Variants in TMEM260 observed in about 807,000 individuals in gnomAD.
TMEM260 encodes protein O-mannosyl-transferase TMEM260.
A neutral mutation model predicts 88.9 loss-of-function variants in TMEM260; 82 were observed. The observed-to-expected ratio is 0.92, with a 90% confidence interval of 0.77 to 1.11. The LOEUF is 1.11. Among genes scored for constraint, TMEM260 ranks in the 50% least tolerant of loss-of-function variants. The pLI is 0.00. For synonymous variants in TMEM260, 314 were observed against 309.3 expected, an observed-to-expected ratio of 1.02 and a Z score of -0.16; for missense variants, 902 against 853.4, an observed-to-expected ratio of 1.06 and a Z score of -0.71.
At chr14:56,606,222 AT>A (rs1160734790) in intron 5 of TMEM260, among the ~76,000 whole-genome samples, 1 of 152,220 alleles carries the variant, frequency 6.6e-6, no homozygotes, top group African/African-American at 2.4e-5. Context: ...AAAGAAAAAA[AT>A]GATTGTTAAT....
intron 12 of TMEM260, among the ~76,000 whole-genome samples, chr14:56,627,433 T>C (rs1179434134): frequency 1.3e-5 from 2 of 152,152 alleles, no homozygotes; most frequent in African/African-American, 4.8e-5. Flanking sequence ...ACTTTGTAAA[T>C]ACATGTACTG....
intron 12 of TMEM260, among the ~76,000 whole-genome samples, chr14:56,629,842 C>T (rs1888468402): frequency 6.6e-6 from 1 of 152,004 alleles, no homozygotes; most frequent in Non-Finnish European, 1.5e-5. Context: ...CAAGACCAAC[C>T]TTGACTACAT....
At chr14:56,656,423 T>A in the TMEM260 span, among the ~76,000 whole-genome samples, 40,048 of 151,748 alleles carry the variant, frequency 0.26, 8,830 homozygotes, top group African/African-American at 0.59. Context: ...TTATCTCAAA[T>A]AAATAAATAA....
chr14:56,606,929 A>G (rs1886947745), intron 5 of TMEM260, among the ~76,000 whole-genome samples: 1 of 152,118 alleles, frequency 6.6e-6, no homozygotes, highest in Non-Finnish European at 1.5e-5. Context: ...TAATAAGTAA[A>G]AGGGAAACAT....
At chr14:56,640,597 C>A (rs1186627366) in intron 15 of TMEM260, among the ~76,000 whole-genome samples, 1 of 152,276 alleles carries the variant, frequency 6.6e-6, no homozygotes, top group East Asian at 1.9e-4. Flanking sequence ...CTCTCCTCCT[C>A]CAAAGGAGCA....
chr14:56,614,317 C>G (rs980999206), intron 7 of TMEM260, among the ~76,000 whole-genome samples: 2 of 151,494 alleles, frequency 1.3e-5, no homozygotes, highest in Non-Finnish European at 2.9e-5. Context: ...GAGGTCGAGG[C>G]TGCAGTGAGC....
the TMEM260 span, among the ~76,000 whole-genome samples, chr14:56,662,115 T>C: frequency 6.6e-6 from 1 of 152,254 alleles, no homozygotes; most frequent in Non-Finnish European, 1.5e-5. Context: ...AGCCATGATT[T>C]GGCTTCTACA....
At chr14:56,606,096 A>C (rs1886884484) in intron 5 of TMEM260, among the ~76,000 whole-genome samples, 1 of 152,192 alleles carries the variant, frequency 6.6e-6, no homozygotes, top group Non-Finnish European at 1.5e-5. Flanking sequence ...GCTCTCAACA[A>C]AACAGACATC....
chr14:56,630,392 A>T (rs1377237554), intron 12 of TMEM260, among the ~76,000 whole-genome samples: 1 of 152,012 alleles, frequency 6.6e-6, no homozygotes, highest in Non-Finnish European at 1.5e-5. Context: ...AAATGAATTT[A>T]GACCTTTTGG....
In TMEM260 at chr14:56,628,204, G is replaced by T. The variant is rs80070578; in HGVS notation, c.1547+2674G>T. Among the ~76,000 whole-genome samples the T allele has an allele frequency of 9.6e-3, 1,455 of 152,268 alleles. 44 individuals carry two copies. The East Asian group carries it at 0.098, about 10-fold the overall frequency. ...GTTTGGGGCATTTATAAATAGAGCT[G>T]CTATAAACATTCATAAACAGGTTTG... On this transcript the variant is annotated intron_variant, in intron 12 of 15. Transcript: ENST00000261556.
Position 56,649,010 on chromosome 14 carries a change from C to CA in TMEM260, c.*1514dup, listed in dbSNP as rs1244246305. On this transcript the variant is annotated 3_prime_UTR_variant, in exon 16 of 16. Transcript: ENST00000261556. Reference sequence around the variant, plus strand: ...GGGCTTTGTTGGTTTTGGCATCACACAGGGGAAGCTCTTGCCCCTCCATTC... The same window carrying CA: ...GGGCTTTGTTGGTTTTGGCATCACACAAGGGGAAGCTCTTGCCCCTCCATTC... 3 of 152,668 alleles carry CA rather than the reference C, an allele frequency of 2.0e-5. No homozygotes were observed. Among genetic ancestry groups the CA allele is most frequent in the African/African-American group, 7.2e-5 (3 of 41,446 alleles). The allele number at this position is 152,668 out of a possible 1,614,324, so 9.5% of individuals were successfully genotyped here.
chr14:56,589,227 C>T (rs1434127834), intron 3 of TMEM260, among the ~76,000 whole-genome samples: 5 of 152,000 alleles, frequency 3.3e-5, no homozygotes, highest in Admixed American at 3.3e-4. Context: ...ATTTACATTG[C>T]TTATGATATC....
chr14:56,647,296 G>A lies in TMEM260; in HGVS notation c.1923G>A (p.Lys641=). ...LQKEHPVNWH[K]NYAIACERML... Reference sequence around the variant, plus strand: ...AGGAGCACCCAGTGAATTGGCACAAGAACTATGCCATCGCCTGTGAGCGGA... The same window carrying A: ...AGGAGCACCCAGTGAATTGGCACAAAAACTATGCCATCGCCTGTGAGCGGA... The change falls in exon 16 of 16, where the codon AAG becomes AAA. Residue 641 remains lysine, a synonymous_variant. Transcript: ENST00000261556. 6.2e-7 allele frequency: 1 copy of A among 1,614,072 alleles called. No individual in the cohort carries two copies. Among genetic ancestry groups the A allele is most frequent in the Non-Finnish European group, 8.5e-7 (1 of 1,179,990 alleles).
chr14:56,659,665 A>C, the TMEM260 span, among the ~76,000 whole-genome samples: 1 of 152,172 alleles, frequency 6.6e-6, no homozygotes, highest in Non-Finnish European at 1.5e-5. Flanking sequence ...GTCGGGGATT[A>C]TTCTTCCAGT....
chr14:56,659,623 G>A, the TMEM260 span, among the ~76,000 whole-genome samples: 3 of 152,190 alleles, frequency 2.0e-5, no homozygotes, highest in Non-Finnish European at 4.4e-5. Flanking sequence ...AAGCCACTGG[G>A]CTCACACCCA....
intron 3 of TMEM260, among the ~76,000 whole-genome samples, chr14:56,597,772 T>C (rs1311911490): frequency 1.3e-5 from 2 of 152,006 alleles, no homozygotes; most frequent in Non-Finnish European, 2.9e-5. Context: ...AAGATTAGCT[T>C]TAAAAATTAT....
chr14:56,628,315 C>T (rs868321827), intron 12 of TMEM260, among the ~76,000 whole-genome samples: 9 of 152,252 alleles, frequency 5.9e-5, no homozygotes, highest in Admixed American at 2.0e-4. Flanking sequence ...ATTCTAGGTA[C>T]GCAACCTCTG....
chr14:56,598,413 A>G (rs1886376242), intron 3 of TMEM260, among the ~76,000 whole-genome samples: 1 of 152,136 alleles, frequency 6.6e-6, no homozygotes. Flanking sequence ...GAGCAATTTC[A>G]CTAGAAGGCT....
chr14:56,638,378 C>T (rs1202870973), intron 15 of TMEM260: 1 of 152,090 alleles, frequency 6.6e-6, no homozygotes, highest in Non-Finnish European at 1.5e-5. Flanking sequence ...CATAATAATC[C>T]TGTTTATCTC....
Sources: allele counts gnomAD v4.1 joint callset (sites outside exome capture counted in the v4.1 genomes callset), GRCh38; gene constraint gnomAD v4.1.1; transcripts MANE v1.5; gene names NCBI Gene and HGNC (gene_info 2026-07-23, HGNC 2026-07-21).